The following THSD7B variants were observed in gnomAD, a reference collection of about 807,000 sequenced individuals.
THSD7B encodes thrombospondin type 1 domain containing 7B.
In THSD7B, 138 loss-of-function variants were observed where a neutral mutation model predicts 213.6. The observed-to-expected ratio is 0.65, with a 90% confidence interval of 0.56 to 0.74. The LOEUF is 0.74. Among genes scored for constraint, THSD7B ranks in the 30% least tolerant of loss-of-function variants. The pLI is 0.00. For synonymous variants in THSD7B, 742 were observed against 687.0 expected (o/e 1.08, Z -1.25); for missense variants, 1,931 against 1,991.5 (o/e 0.97, Z 0.58).
chr2:137,213,843 G>C (rs1288696864), intron 7 of THSD7B, among the ~76,000 whole-genome samples: 2 of 152,146 alleles, frequency 1.3e-5, no homozygotes, highest in African/African-American at 4.8e-5. Context: ...CACAGAGCCA[G>C]ATCCTGTAAC....
intron 2 of THSD7B, among the ~76,000 whole-genome samples, chr2:137,010,560 A>G (rs548558275): frequency 6.6e-6 from 1 of 152,280 alleles, no homozygotes; most frequent in Non-Finnish European, 1.5e-5. Flanking sequence ...GCTGGCCTGT[A>G]AGGTGTGTAA....
intron 15 of THSD7B, among the ~76,000 whole-genome samples, chr2:137,530,675 G>A (rs1444837142): frequency 6.6e-6 from 1 of 151,964 alleles, no homozygotes; most frequent in Admixed American, 6.6e-5. Flanking sequence ...GTGTTCTGGG[G>A]ATAGCTGTCA....
chr2:136,861,339 T>G (rs1052091853), intron 1 of THSD7B, among the ~76,000 whole-genome samples: 3 of 152,238 alleles, frequency 2.0e-5, no homozygotes, highest in African/African-American at 7.2e-5. Flanking sequence ...TTGAACTGCC[T>G]TTAGATTCTC....
At chr2:136,969,920 A>G (rs1685377706) in intron 2 of THSD7B, among the ~76,000 whole-genome samples, 1 of 152,218 alleles carries the variant, frequency 6.6e-6, no homozygotes, top group African/African-American at 2.4e-5. Context: ...TATGAAAGTC[A>G]TAAACTAGCA....
At chr2:137,389,537 A>G (rs1685971427) in intron 12 of THSD7B, among the ~76,000 whole-genome samples, 1 of 144,210 alleles carries the variant, frequency 6.9e-6, no homozygotes, top group Non-Finnish European at 1.5e-5. Flanking sequence ...TTCACTCTTG[A>G]TTGTTTTCTT....
chr2:137,395,648 G>A (rs1028248933), intron 12 of THSD7B, among the ~76,000 whole-genome samples: 1 of 152,156 alleles, frequency 6.6e-6, no homozygotes, highest in African/African-American at 2.4e-5. Flanking sequence ...TCTCTGTCCA[G>A]CTTTGGTATC....
intron 15 of THSD7B, among the ~76,000 whole-genome samples, chr2:137,524,091 GACA>G (rs1163500714): frequency 6.6e-6 from 1 of 152,018 alleles, no homozygotes; most frequent in Non-Finnish European, 1.5e-5. Flanking sequence ...CCCCAACAAT[GACA>G]ACAACAGAAA....
At chr2:137,497,636 A>G (rs1248426328) in intron 15 of THSD7B, among the ~76,000 whole-genome samples, 11 of 151,914 alleles carry the variant, frequency 7.2e-5, no homozygotes, top group African/African-American at 2.4e-4. Context: ...GTGTGTGTGT[A>G]TTTCCCCAAT....
At chr2:136,889,278 C>T (rs116533843) in intron 2 of THSD7B, among the ~76,000 whole-genome samples, 5,415 of 152,172 alleles carry the variant, frequency 0.036, 170 homozygotes, top group African/African-American at 0.078. Context: ...CCTTCCAGTT[C>T]ATTTACATAA....
chr2:137,319,419 A>G (rs1684214383), intron 12 of THSD7B, among the ~76,000 whole-genome samples: 1 of 152,162 alleles, frequency 6.6e-6, no homozygotes, highest in Non-Finnish European at 1.5e-5. Flanking sequence ...ATTACTATCT[A>G]CAGAGCAATG....
intron 2 of THSD7B, among the ~76,000 whole-genome samples, chr2:136,988,617 T>G (rs1331239201): frequency 6.6e-6 from 1 of 152,212 alleles, no homozygotes; most frequent in Non-Finnish European, 1.5e-5. Flanking sequence ...CCTCACCCTC[T>G]GAAAATTTAT....
intron 3 of THSD7B, among the ~76,000 whole-genome samples, chr2:137,072,197 C>A (rs1687507703): frequency 6.6e-6 from 1 of 152,098 alleles, no homozygotes; most frequent in Non-Finnish European, 1.5e-5. Context: ...TTACCTTGGG[C>A]AGTATGGCCA....
Position 137,405,674 on chromosome 2 carries a change from A to G in THSD7B, c.2562A>G (p.Thr854=), listed in dbSNP as rs1686499654. ...AAATGATGGAATGCCTCAAGCAGAC[A>G]AACGGCATGCCTCTCCTTGTGCAAG... ...SAEMMECLKQ[T]NGMPLLVQEC... is the part of the protein sequence containing the mutation. The change falls in exon 13 of 28, where the codon ACA becomes ACG. Residue 854 remains threonine, a synonymous_variant. Coordinates refer to ENST00000409968, the MANE Select transcript of THSD7B (RefSeq NM_001316349.2). The G allele has an allele frequency of 6.2e-7, 1 of 1,613,630 alleles. No individual in the cohort carries two copies. Among genetic ancestry groups the G allele is most frequent in the Non-Finnish European group, 8.5e-7 (1 of 1,179,750 alleles).
chr2:137,130,225 A>G (rs1419429539), intron 5 of THSD7B, among the ~76,000 whole-genome samples: 1 of 152,178 alleles, frequency 6.6e-6, no homozygotes, highest in African/African-American at 2.4e-5. Context: ...AAAATGGGAC[A>G]GTCACTGAAA....
rs555278619 is a variant in THSD7B at position 137,587,913 on chromosome 2, G to C, written c.3423+15357G>C. Among the ~76,000 whole-genome samples, 6 of 152,292 alleles carry C rather than the reference G, an allele frequency of 3.9e-5. 1 individual carries two copies. Among genetic ancestry groups the C allele is most frequent in the African/African-American group, 1.4e-4 (6 of 41,560 alleles). ...CAGAGGTTTCTGCTGCCTTTTGTTG[G>C]GCTGTGCCCTGCCCCCAGAGGTGGA... On this transcript the variant is annotated intron_variant, in intron 17 of 27. Transcript: ENST00000409968.
At position 137,303,684 on chromosome 2, in the gene THSD7B, TTA is replaced by T. The variant is rs934957019; in HGVS notation, c.2500+27666_2500+27667del. Among the ~76,000 whole-genome samples, 4 of 122,078 alleles carry T rather than the reference TTA, an allele frequency of 3.3e-5. 1 individual carries two copies. Among genetic ancestry groups the T allele is most frequent in the African/African-American group, 1.1e-4 (3 of 26,796 alleles). The allele number at this position is 122,078 out of a possible 152,430, so 80.1% of individuals were successfully genotyped here. A position where few individuals can be genotyped will look rare whatever the true frequency, so the allele number is the denominator to read the frequency against. ...TGTTTATATATATTAATATATATAT[TTA>T]TATATATTTATATATATTTATATAT... On this transcript the variant is annotated intron_variant, in intron 12 of 27. Coordinates refer to ENST00000409968, the MANE Select transcript of THSD7B (RefSeq NM_001316349.2).
At chr2:136,984,155 G>C (rs960231753) in intron 2 of THSD7B, among the ~76,000 whole-genome samples, 1 of 152,240 alleles carries the variant, frequency 6.6e-6, no homozygotes, top group African/African-American at 2.4e-5. Flanking sequence ...TGAAATGGAA[G>C]AGCATGGACC....
Position 136,803,931 on chromosome 2 carries a change from A to G in THSD7B, c.-36+38244A>G, listed in dbSNP as rs569232577. ...CCTTTTTGTTCTATCGAGGCCCTCAATGGACTGGACGAGGCCCAGTGACAA... is the reference window on the plus strand; with the variant it reads ...CCTTTTTGTTCTATCGAGGCCCTCAGTGGACTGGACGAGGCCCAGTGACAA... On this transcript the variant is annotated intron_variant, in intron 1 of 27. Transcript: ENST00000409968. 2.2e-3 allele frequency among the ~76,000 whole-genome samples: 332 copies of G among 152,306 alleles called. 1 individual carries two copies. Among genetic ancestry groups the G allele is most frequent in the Admixed American group, 4.0e-3 (61 of 15,298 alleles).
chr2:137,390,978 G>A (rs1686010992), intron 12 of THSD7B, among the ~76,000 whole-genome samples: 1 of 151,932 alleles, frequency 6.6e-6, no homozygotes, highest in Non-Finnish European at 1.5e-5. Context: ...GATATTTGTA[G>A]TGTGGTATGG....
Sources: gnomAD v4.1 joint callset for allele counts (sites outside exome capture counted in the v4.1 genomes callset) on GRCh38, gnomAD v4.1.1 for gene constraint, MANE v1.5 for transcripts, NCBI Gene and HGNC (gene_info 2026-07-23, HGNC 2026-07-21) for gene names.